NDUFAF5: variants seen among roughly 807,000 people sequenced by gnomAD.
The protein encoded by NDUFAF5 is NADH:ubiquinone oxidoreductase complex assembly factor 5, also known as arginine-hydroxylase NDUFAF5, mitochondrial.
A neutral mutation model predicts 48.9 loss-of-function variants in NDUFAF5; 34 were observed. That is an observed-to-expected ratio of 0.70 (90% CI 0.53 to 0.93). The LOEUF (loss-of-function observed/expected upper bound fraction) is 0.93. Among genes scored for constraint, NDUFAF5 ranks in the 40% least tolerant of loss-of-function variants. The pLI is 0.00. For synonymous variants in NDUFAF5, 153 were observed against 150.6 expected, an observed-to-expected ratio of 1.02 and a Z score of -0.12; for missense variants, 428 against 427.5, an observed-to-expected ratio of 1.00 and a Z score of -0.01.
Position 13,785,278 on chromosome 20 carries a change from C to T in NDUFAF5, c.210C>T (p.Tyr70=), listed in dbSNP as rs1201449623. 1 of 1,592,092 alleles carries T rather than the reference C, an allele frequency of 6.3e-7. No homozygotes were observed. Among genetic ancestry groups the T allele is most frequent in the Non-Finnish European group, 8.6e-7 (1 of 1,162,946 alleles). The change falls in exon 1 of 11, where the codon TAC becomes TAT. Residue 70 remains tyrosine, a synonymous_variant. Coordinates refer to ENST00000378106, the MANE Select transcript of NDUFAF5 (RefSeq NM_024120.5). ...ARQPEPTKFD[Y]LKEEVGSRIA... is the part of the protein sequence containing the mutation. The stretch of plus-strand genomic sequence containing the variant: ...AGCCCGAGCCGACCAAATTTGACTA[C>T]CTGAAGGAGGAGGTGAGCCCGCGGG...
At chr20:13,799,613 C>T (rs183314135) in intron 6 of NDUFAF5, among the ~76,000 whole-genome samples, 34 of 151,622 alleles carry the variant, frequency 2.2e-4, no homozygotes, top group Admixed American at 1.2e-3. Flanking sequence ...GCAGGAGATT[C>T]TCTTGAACAC....
At chr20:13,814,265 A>G (rs994393965) in intron 8 of NDUFAF5, 15 of 377,120 alleles carry the variant, frequency 4.0e-5, no homozygotes, top group African/African-American at 2.7e-4. Flanking sequence ...TGATGGAGGC[A>G]GGGAGACCGT....
chr20:13,789,517 C>T (rs1422323364), intron 3 of NDUFAF5, among the ~76,000 whole-genome samples: 1 of 150,936 alleles, frequency 6.6e-6, no homozygotes, highest in Admixed American at 6.6e-5. Flanking sequence ...GCTCTGTTGC[C>T]CAGGCTGGAG....
In NDUFAF5 at chr20:13,789,407, C is replaced by T. The variant is rs910394051; in HGVS notation, c.327+755C>T. On this transcript the variant is annotated intron_variant, in intron 3 of 10. Coordinates refer to ENST00000378106, the MANE Select transcript of NDUFAF5 (RefSeq NM_024120.5). ...CTTGAACTCCTGCCCTCAGGTGATC[C>T]GCCTGTCTCGGCATCCCAAAGCGCT... Among the ~76,000 whole-genome samples, 6 of 151,894 alleles carry T rather than the reference C, an allele frequency of 4.0e-5. No individual in the cohort carries two copies. The East Asian group carries it at 9.7e-4, about 24-fold the overall frequency.
intron 1 of NDUFAF5, among the ~76,000 whole-genome samples, chr20:13,785,580 A>C (rs1294280721): frequency 6.6e-6 from 1 of 152,214 alleles, no homozygotes; most frequent in African/African-American, 2.4e-5. Context: ...GAAGGTTAGG[A>C]GGACCCAAAT....
Position 13,820,670 on chromosome 20 carries a change from A to G in NDUFAF5, c.*3460A>G, listed in dbSNP as rs1337977798. On this transcript the variant is annotated 3_prime_UTR_variant, in exon 11 of 11. Transcript: ENST00000378106. Reference sequence around the variant, plus strand: ...CGCACCACTGCACTCTAGCCTGGGCAACAGCAAGACCCTCGTCTCAAAAAA... The same window carrying G: ...CGCACCACTGCACTCTAGCCTGGGCGACAGCAAGACCCTCGTCTCAAAAAA... 1 of 152,184 alleles carries G rather than the reference A, an allele frequency of 6.6e-6. No individual in the cohort carries two copies. Among genetic ancestry groups the G allele is most frequent in the Non-Finnish European group, 1.5e-5 (1 of 68,052 alleles). The allele number at this position is 152,184 out of a possible 1,614,324, so 9.4% of individuals were successfully genotyped here.
At position 13,794,894 on chromosome 20, in the gene NDUFAF5, C is replaced by T. The variant is rs769785733; in HGVS notation, c.432C>T (p.Phe144=). The part of the protein sequence containing the change: ...PTVSVLADEE[F]LPFKENTFDL... ...TCAGCGTTTTAGCTGATGAAGAATTCCTTCCCTTCAAAGAAAATACATTTG... is the reference window on the plus strand; with the variant it reads ...TCAGCGTTTTAGCTGATGAAGAATTTCTTCCCTTCAAAGAAAATACATTTG... The change falls in exon 5 of 11, where the codon TTC becomes TTT. Residue 144 remains phenylalanine, a synonymous_variant. Transcript: ENST00000378106. 1.1e-5 allele frequency: 18 copies of T among 1,613,616 alleles called. No homozygotes were observed.
At chr20:13,792,824 C>T (rs1325377107) in intron 3 of NDUFAF5, among the ~76,000 whole-genome samples, 2 of 152,184 alleles carry the variant, frequency 1.3e-5, no homozygotes, top group Non-Finnish European at 2.9e-5. Context: ...TCTGTAAACT[C>T]TTTGGATGAA....
At chr20:13,798,631 C>T (rs533897365) in intron 6 of NDUFAF5, 131 bp downstream of exon 6, 9 of 763,612 alleles carry the variant, frequency 1.2e-5, no homozygotes, top group Admixed American at 4.0e-5. Context: ...GTGAAATCAT[C>T]TGGTGCCATT....
intron 8 of NDUFAF5, chr20:13,816,109 T>C (rs771788394): frequency 2.7e-6 from 1 of 369,454 alleles, no homozygotes; most frequent in African/African-American, 2.1e-5. Flanking sequence ...AAGCATGAGA[T>C]GTGACATCCT....
chr20:13,785,452 C>T (rs1267449325), intron 1 of NDUFAF5, among the ~76,000 whole-genome samples, 162 bp downstream of exon 1: 1 of 152,232 alleles, frequency 6.6e-6, no homozygotes, highest in Non-Finnish European at 1.5e-5. Flanking sequence ...AAGGCCTGGC[C>T]TCGGATATTT....
chr20:13,785,425 C>A, intron 1 of NDUFAF5, 135 bp downstream of exon 1: 1 of 714,314 alleles, frequency 1.4e-6, no homozygotes, highest in Non-Finnish European at 2.3e-6. Context: ...CTCTTTCGGC[C>A]TCTACTGTAA....
At position 13,806,817 on chromosome 20, in the gene NDUFAF5, C is replaced by G. The variant is rs562809012; in HGVS notation, c.718-2025C>G. Among the ~76,000 whole-genome samples, 184 of 152,266 alleles carry G rather than the reference C, an allele frequency of 1.2e-3. 1 individual carries two copies. The highest frequency in any genetic ancestry group is 4.3e-3 in the African/African-American group (179 of 41,560). Reference sequence around the variant, plus strand: ...ATTAAAAAGCATACACAACCTGATACACGTATATGTTTTTTTAAAGAAGAG... The same window carrying G: ...ATTAAAAAGCATACACAACCTGATAGACGTATATGTTTTTTTAAAGAAGAG... On this transcript the variant is annotated intron_variant, in intron 7 of 10. Transcript: ENST00000378106.
rs879232738 is a variant in NDUFAF5, at chr20:13,788,469, G to A, written c.264-120G>A. 4 of 754,532 alleles carry A rather than the reference G, an allele frequency of 5.3e-6. No individual in the cohort carries two copies. In the South Asian group the frequency reaches 5.9e-5, roughly 11 times the overall value. The allele number at this position is 754,532 out of a possible 1,614,324, so 46.7% of individuals were successfully genotyped here. On this transcript the variant is annotated intron_variant, in intron 2 of 10. Transcript: ENST00000378106. ...CAGCTTGTAAGGTGAGGCTGAAAAG[G>A]CAGATGATGTAACCTTCTGGAAGTT... is the stretch of plus-strand genomic sequence containing the variant.
At position 13,819,673 on chromosome 20, in the gene NDUFAF5, C is replaced by T. The variant is rs1986848297; in HGVS notation, c.*2463C>T. 6.6e-6 allele frequency: 1 copy of T among 152,286 alleles called. No homozygotes were observed. The highest frequency in any genetic ancestry group is 1.5e-5 in the Non-Finnish European group (1 of 68,122). 9.4% of individuals were successfully genotyped at this position (152,286 alleles called of 1,614,324 possible). On this transcript the variant is annotated 3_prime_UTR_variant, in exon 11 of 11. Coordinates refer to ENST00000378106, the MANE Select transcript of NDUFAF5 (RefSeq NM_024120.5). ...TGAGCCACCAGGCCTGGCCAATAACCATTTCTTGATAACCCCACAGATAAT... is the reference window on the plus strand; with the variant it reads ...TGAGCCACCAGGCCTGGCCAATAACTATTTCTTGATAACCCCACAGATAAT...
chr20:13,803,878 C>T (rs1045665517), intron 7 of NDUFAF5, among the ~76,000 whole-genome samples: 1 of 152,076 alleles, frequency 6.6e-6, no homozygotes, highest in African/African-American at 2.4e-5. Context: ...CTCTCCCTCC[C>T]AGGTTCAAGT....
Position 13,808,866 on chromosome 20 carries a change from T to C in NDUFAF5, c.742T>C (p.Tyr248His), listed in dbSNP as rs751543317. 6.3e-7 allele frequency: 1 copy of C among 1,590,228 alleles called. No homozygotes were observed. The highest frequency in any genetic ancestry group is 8.6e-7 in the Non-Finnish European group (1 of 1,158,414). The change falls in exon 8 of 11, where the codon TAT becomes CAT. Residue 248 changes from tyrosine to histidine, a missense_variant. Physicochemically the swap from Tyr to His is moderately conservative, Grantham distance 83. Transcript: ENST00000378106. ...GGACACTGATGAAATTCAAGTTAACTATCCTGGAATGTTTGAATTGATGGA... is the reference window on the plus strand; with the variant it reads ...GGACACTGATGAAATTCAAGTTAACCATCCTGGAATGTTTGAATTGATGGA... ...TVDTDEIQVN[Y>H]PGMFELMEDL...
intron 8 of NDUFAF5, chr20:13,814,356 G>A (rs978647477): frequency 6.3e-6 from 5 of 798,716 alleles, no homozygotes; most frequent in Non-Finnish European, 9.2e-6. Context: ...TACATTTGTG[G>A]TGTATTTTTT....
intron 6 of NDUFAF5, among the ~76,000 whole-genome samples, chr20:13,800,783 G>T (rs748387310): frequency 7.9e-5 from 12 of 152,136 alleles, no homozygotes; most frequent in Non-Finnish European, 1.6e-4. Flanking sequence ...AGGAAATCTG[G>T]GTCTGGCTTG....
Sources: gnomAD v4.1 joint callset for allele counts (sites outside exome capture counted in the v4.1 genomes callset) on GRCh38, gnomAD v4.1.1 for gene constraint, MANE v1.5 for transcripts, NCBI Gene and HGNC (gene_info 2026-07-23, HGNC 2026-07-21) for gene names.